The following NUP58 variants were observed in gnomAD, a reference collection of about 807,000 sequenced individuals.
NUP58 encodes nucleoporin p58/p45.
A neutral mutation model predicts 70.1 loss-of-function variants in NUP58; 17 were observed. The ratio of observed to expected loss-of-function variants is 0.24; its 90% CI spans 0.17 to 0.36. The LOEUF is 0.36. Among genes scored for constraint, NUP58 ranks in the 10% least tolerant of loss-of-function variants. The pLI, the probability that NUP58 is intolerant of heterozygous loss-of-function variation, is 1.00. For synonymous variants in NUP58, 275 were observed against 257.6 expected (o/e 1.07, Z -0.65); for missense variants, 644 against 701.5 (o/e 0.92, Z 0.93).
At chr13:25,333,001 A>C (rs977195137) in intron 13 of NUP58, 1 of 984,778 alleles carries the variant, frequency 1.0e-6, no homozygotes, top group East Asian at 1.1e-4. Context: ...TTCTTTAAAC[A>C]TAGTGAATTT....
At chr13:25,315,220 T>C in intron 5 of NUP58, 137 bp from the exon 6 acceptor site, 1 of 686,538 alleles carries the variant, frequency 1.5e-6, no homozygotes. Context: ...ATCTCCAGGC[T>C]TGTTTCTTGT....
intron 6 of NUP58, among the ~76,000 whole-genome samples, chr13:25,316,581 A>C (rs551213256): frequency 5.7e-4 from 87 of 152,288 alleles, no homozygotes; most frequent in African/African-American, 2.0e-3. Context: ...AAAATTGACA[A>C]ATTTCTAAAC....
intron 1 of NUP58, among the ~76,000 whole-genome samples, chr13:25,305,597 T>C (rs1389214365): frequency 2.0e-5 from 3 of 152,188 alleles, no homozygotes. Context: ...CTACTCAGTA[T>C]GGATGGCACA....
At chr13:25,316,828 C>G (rs2137757733) in intron 6 of NUP58, among the ~76,000 whole-genome samples, 1 of 152,220 alleles carries the variant, frequency 6.6e-6, no homozygotes, top group East Asian at 1.9e-4. Context: ...CCACATCTTC[C>G]TGCTTTCATA....
chr13:25,304,924 C>T (rs555923277), intron 1 of NUP58, among the ~76,000 whole-genome samples: 1 of 152,254 alleles, frequency 6.6e-6, no homozygotes, highest in East Asian at 1.9e-4. Flanking sequence ...CAGACTACTA[C>T]CAGCTAAGCT....
downstream of NUP58, among the ~76,000 whole-genome samples, chr13:25,345,886 T>C (rs1349766936): frequency 6.6e-6 from 1 of 152,216 alleles, no homozygotes; most frequent in Non-Finnish European, 1.5e-5. Flanking sequence ...TTTGCCTTTT[T>C]CCCATTCATT....
Position 25,321,084 on chromosome 13 carries a change from A to G in NUP58, c.942A>G (p.Glu314=), listed in dbSNP as rs1468587701. ...TCAACATTGACAAATTGAAAATAGA[A>G]ACTGCTCAGGTATACCAACTTATGG... ...NTLNIDKLKI[E]TAQELKNAEI... Residue 314 remains glutamate (E), a synonymous_variant, in exon 9 of 16, where the codon GAA becomes GAG. Transcript: ENST00000381736. 5.0e-6 allele frequency: 8 copies of G among 1,586,182 alleles called. No homozygotes were observed. Among genetic ancestry groups the G allele is most frequent in the Admixed American group, 1.9e-5 (1 of 52,206 alleles).
At chr13:25,313,501 C>G in intron 4 of NUP58, 113 bp from the exon 5 acceptor site, 1 of 1,041,480 alleles carries the variant, frequency 9.6e-7, no homozygotes, top group Admixed American at 3.0e-5. Flanking sequence ...GTAGTTCTTC[C>G]AAAGAGCCAA....
rs1195527760 is a variant in NUP58, at chr13:25,342,040, A to G, written c.*1906A>G. ...AATTGAAATTTTTGCGCATTGATGC[A>G]TTGAAATAAGGAAAATTATTTATCT... On this transcript the variant is annotated 3_prime_UTR_variant, in exon 16 of 16. Coordinates refer to ENST00000381736, the MANE Select transcript of NUP58 (RefSeq NM_014089.4). 1 of 152,078 alleles carries G rather than the reference A, an allele frequency of 6.6e-6. No homozygotes were observed. The highest frequency in any genetic ancestry group is 1.5e-5 in the Non-Finnish European group (1 of 68,016). The allele number at this position is 152,078 out of a possible 1,614,324, so 9.4% of individuals were successfully genotyped here. A position where few individuals can be genotyped will look rare whatever the true frequency, so the allele number is the denominator to read the frequency against.
intron 9 of NUP58, 32 bp downstream of exon 9, chr13:25,321,125 G>T: frequency 6.5e-7 from 1 of 1,531,728 alleles, no homozygotes; most frequent in East Asian, 2.4e-5. Context: ...TTACCGTAGG[G>T]TTTTTTTGTT....
In NUP58 at chr13:25,337,038, C is replaced by A; in HGVS notation, c.1534+4C>A. Reference sequence around the variant, plus strand: ...TTAGGTTCTTCAAACCTTGGAGGTACACTTTAACTTTTCTAATATTTCATT... The same window carrying A: ...TTAGGTTCTTCAAACCTTGGAGGTAAACTTTAACTTTTCTAATATTTCATT... On this transcript the variant is annotated splice_donor_region_variant and intron_variant, in intron 14 of 15. Coordinates refer to ENST00000381736, the MANE Select transcript of NUP58 (RefSeq NM_014089.4). The A allele has an allele frequency of 6.4e-7, 1 of 1,574,352 alleles. No individual in the cohort carries two copies.
chr13:25,306,393 CAAAAAAAAAAA>C (rs1030000370), intron 1 of NUP58, among the ~76,000 whole-genome samples: 1 of 55,522 alleles, frequency 1.8e-5, no homozygotes, highest in South Asian at 6.3e-4. Flanking sequence ...GACTCCGTCT[CAAAAAAAAAAA>C]AAAAAAAAAA....
intron 9 of NUP58, among the ~76,000 whole-genome samples, chr13:25,324,608 G>A (rs900608807): frequency 2.0e-5 from 3 of 151,990 alleles, no homozygotes; most frequent in Admixed American, 6.6e-5. Context: ...TGTTAATTGT[G>A]CCTGCCTCAG....
chr13:25,343,708 C>T (rs12429812), downstream of NUP58, among the ~76,000 whole-genome samples: 50 of 151,602 alleles, frequency 3.3e-4, no homozygotes, highest in Middle Eastern at 3.5e-3. Flanking sequence ...CTGCCCGCCT[C>T]GGCCTCCCAA....
intron 13 of NUP58, chr13:25,332,331 T>G (rs2031637988): frequency 2.0e-6 from 2 of 985,340 alleles, no homozygotes; most frequent in Non-Finnish European, 2.4e-6. Context: ...AGTGTTTTAT[T>G]TGGTCCTGTG....
chr13:25,336,360 T>A (rs1448894411), intron 13 of NUP58: 1 of 925,848 alleles, frequency 1.1e-6, no homozygotes, highest in Non-Finnish European at 1.5e-6. Flanking sequence ...TCTTGTTTTT[T>A]ATCTACTTAT....
intron 1 of NUP58, among the ~76,000 whole-genome samples, chr13:25,307,436 G>A (rs1379546280): frequency 3.3e-5 from 5 of 151,804 alleles, no homozygotes; most frequent in Admixed American, 1.3e-4. Flanking sequence ...GGCTGGTCTC[G>A]AACTCCTGAC....
At chr13:25,329,793 T>A (rs2031538309) in intron 12 of NUP58, among the ~76,000 whole-genome samples, 1 of 152,120 alleles carries the variant, frequency 6.6e-6, no homozygotes, top group African/African-American at 2.4e-5. Flanking sequence ...AAATCATGGC[T>A]GATGTCAAGG....
intron 13 of NUP58, chr13:25,335,041 G>A: frequency 2.0e-6 from 2 of 985,156 alleles, no homozygotes; most frequent in South Asian, 4.7e-5. Context: ...TGGCCAGAGT[G>A]TAATATATGC....
Sources: gnomAD v4.1 joint callset for allele counts (sites outside exome capture counted in the v4.1 genomes callset) on GRCh38, gnomAD v4.1.1 for gene constraint, MANE v1.5 for transcripts, NCBI Gene and HGNC (gene_info 2026-07-23, HGNC 2026-07-21) for gene names.